The following RBFOX1 variants were observed in gnomAD, a reference collection of about 807,000 sequenced individuals.
RBFOX1 encodes the protein RNA binding protein fox-1 homolog 1.
RBFOX1 carries 8 observed loss-of-function variants against 57.7 expected under a neutral mutation model. That is an observed-to-expected ratio of 0.14 (90% CI 0.08 to 0.25). The LOEUF (loss-of-function observed/expected upper bound fraction) is 0.25. RBFOX1 is among the 10% of genes least tolerant of loss of function. RBFOX1 has a pLI of 1.00. For synonymous variants in RBFOX1, 326 were observed against 222.4 expected (o/e 1.47, Z -4.15); for missense variants, 611 against 548.5 (o/e 1.11, Z -1.14).
At chr16:6,894,319 C>T (rs776441644) in intron 3 of RBFOX1, among the ~76,000 whole-genome samples, 12 of 152,130 alleles carry the variant, frequency 7.9e-5, no homozygotes, top group Non-Finnish European at 1.6e-4. Flanking sequence ...TTTGAAATCC[C>T]CCAGATAGCT....
At chr16:6,331,843 G>C (rs994251001) in intron 2 of RBFOX1, among the ~76,000 whole-genome samples, 2 of 151,736 alleles carry the variant, frequency 1.3e-5, no homozygotes, top group Admixed American at 1.3e-4. Context: ...CCCTATTAAA[G>C]TTTGCTTGGT....
At chr16:7,681,443 G>C (rs557584800) in intron 14 of RBFOX1, among the ~76,000 whole-genome samples, 1 of 152,252 alleles carries the variant, frequency 6.6e-6, no homozygotes, top group East Asian at 1.9e-4. Context: ...ATTAGCGCAG[G>C]CTACTTCCTG....
intron 3 of RBFOX1, among the ~76,000 whole-genome samples, chr16:6,857,425 G>A (rs987665614): frequency 3.9e-5 from 6 of 152,046 alleles, no homozygotes; most frequent in Non-Finnish European, 2.9e-5. Context: ...TCCCATGTAC[G>A]CCAGCTGAAA....
intron 1 of RBFOX1, among the ~76,000 whole-genome samples, chr16:6,113,216 C>T (rs1450477819): frequency 1.3e-5 from 2 of 152,170 alleles, no homozygotes; most frequent in Non-Finnish European, 2.9e-5. Context: ...ACATTTTCTT[C>T]TCTTGGTGAA....
intron 1 of RBFOX1, among the ~76,000 whole-genome samples, chr16:6,133,803 C>G (rs930974502): frequency 6.6e-6 from 1 of 152,104 alleles, no homozygotes; most frequent in Non-Finnish European, 1.5e-5. Context: ...CTGTGCTGTG[C>G]TTCATGCCTC....
At chr16:6,991,314 C>G (rs1047802666) in intron 3 of RBFOX1, among the ~76,000 whole-genome samples, 4 of 151,894 alleles carry the variant, frequency 2.6e-5, no homozygotes, top group African/African-American at 9.7e-5. Context: ...CAAAAGTTGG[C>G]TATTTCTGCA....
intron 3 of RBFOX1, among the ~76,000 whole-genome samples, chr16:6,712,711 A>G (rs896068082): frequency 6.6e-6 from 1 of 151,758 alleles, no homozygotes; most frequent in African/African-American, 2.4e-5. Flanking sequence ...AAACATACCC[A>G]CTTCTCCCCA....
At chr16:6,605,971 G>A (rs903140061) in intron 2 of RBFOX1, among the ~76,000 whole-genome samples, 3 of 151,956 alleles carry the variant, frequency 2.0e-5, no homozygotes, top group African/African-American at 7.2e-5. Context: ...ATGGTTGGGG[G>A]TGGGGGCAGT....
intron 2 of RBFOX1, among the ~76,000 whole-genome samples, chr16:6,629,462 T>C (rs1392804219): frequency 6.6e-6 from 1 of 152,218 alleles, no homozygotes. Flanking sequence ...CTCATTAATG[T>C]CACAAATAGT....
chr16:5,285,890 G>C (rs1434000005), intron 1 of RBFOX1, among the ~76,000 whole-genome samples: 1 of 152,122 alleles, frequency 6.6e-6, no homozygotes, highest in Non-Finnish European at 1.5e-5. Flanking sequence ...TCCTGCCTCA[G>C]CCTCCTGAGT....
chr16:6,923,320 G>C lies in RBFOX1; in HGVS notation c.-15-128737G>C, dbSNP rs748159396. Among the ~76,000 whole-genome samples the C allele has an allele frequency of 1.3e-4, 20 of 152,110 alleles. 1 individual carries two copies. Among genetic ancestry groups the C allele is most frequent in the Non-Finnish European group, 1.0e-4 (7 of 68,026 alleles). ...ATGCCAAGGCGGGAGGATCATGTGA[G>C]GTCAGGAGTTCAAGACCAGCCTGGC... is the stretch of plus-strand genomic sequence containing the variant. On this transcript the variant is annotated intron_variant, in intron 3 of 15. Coordinates refer to ENST00000550418, the MANE Select transcript of RBFOX1 (RefSeq NM_018723.4).
chr16:7,482,816 G>A (rs533669068), intron 4 of RBFOX1, among the ~76,000 whole-genome samples: 2 of 152,140 alleles, frequency 1.3e-5, no homozygotes, highest in African/African-American at 2.4e-5. Flanking sequence ...CCACAAGCTC[G>A]GGATGTTCTG....
chr16:7,272,039 A>G (rs1291916088), intron 4 of RBFOX1, among the ~76,000 whole-genome samples: 1 of 152,194 alleles, frequency 6.6e-6, no homozygotes. Context: ...ACCACTTTGC[A>G]GAGAGAGTGA....
chr16:7,366,162 TC>T (rs1414153878), intron 4 of RBFOX1, among the ~76,000 whole-genome samples: 3 of 152,190 alleles, frequency 2.0e-5, no homozygotes, highest in African/African-American at 7.2e-5. Flanking sequence ...TTGAGGCCTT[TC>T]CCAGCAAGAC....
intron 2 of RBFOX1, among the ~76,000 whole-genome samples, chr16:5,557,866 C>T (rs759071377): frequency 4.6e-5 from 7 of 152,180 alleles, no homozygotes; most frequent in Non-Finnish European, 1.5e-5. Context: ...CGTATAAACT[C>T]AAGACCTTAG....
chr16:5,876,942 T>C (rs1010392246), intron 4 of RBFOX1, among the ~76,000 whole-genome samples: 11 of 152,058 alleles, frequency 7.2e-5, no homozygotes, highest in Admixed American at 5.2e-4. Context: ...GGCCTGGAGA[T>C]GCAATGGTTG....
intron 4 of RBFOX1, among the ~76,000 whole-genome samples, chr16:7,202,986 C>T (rs374055669): frequency 1.3e-3 from 195 of 152,218 alleles, no homozygotes; most frequent in African/African-American, 4.6e-3. Flanking sequence ...TGGGATTTCA[C>T]CGTGTGAGCC....
At chr16:5,291,566 C>G (rs540521651) in intron 1 of RBFOX1, among the ~76,000 whole-genome samples, 1 of 152,254 alleles carries the variant, frequency 6.6e-6, no homozygotes, top group South Asian at 2.1e-4. Flanking sequence ...CCTGGCCGAG[C>G]TTTTATCATT....
At chr16:5,585,877 GT>G (rs2046814181) in intron 2 of RBFOX1, among the ~76,000 whole-genome samples, 1 of 152,180 alleles carries the variant, frequency 6.6e-6, no homozygotes, top group Non-Finnish European at 1.5e-5. Context: ...GCTCTAGTGG[GT>G]TGAATAGTGG....
Sources: allele counts gnomAD v4.1 joint callset (sites outside exome capture counted in the v4.1 genomes callset), GRCh38; gene constraint gnomAD v4.1.1; transcripts MANE v1.5; gene names NCBI Gene and HGNC (gene_info 2026-07-23, HGNC 2026-07-21).